MTERF4: variants seen among roughly 807,000 people sequenced by gnomAD.
MTERF4 encodes the protein transcription termination factor 4, mitochondrial.
Under a neutral mutation model 22.5 loss-of-function variants are expected in MTERF4, and 17 were observed. That is an observed-to-expected ratio of 0.75 (90% confidence interval 0.52 to 1.13). MTERF4 has a LOEUF of 1.13. Ranked by LOEUF, MTERF4 falls within the 50% of genes most tolerant of loss-of-function variation. MTERF4 has a pLI of 0.00. For missense variants in MTERF4, 420 were observed against 466.8 expected (o/e 0.90, Z 0.92); for synonymous variants, 165 against 175.3 (o/e 0.94, Z 0.47).
chr2:241,079,991 C>A (rs1267994031), intron 4 of MTERF4, among the ~76,000 whole-genome samples: 1 of 152,050 alleles, frequency 6.6e-6, no homozygotes, highest in Non-Finnish European at 1.5e-5. Flanking sequence ...AGTTAAAAAT[C>A]TTGTTTGTTT....
At chr2:241,068,804 T>G, downstream of MTERF4, 1 of 727,854 alleles carries the variant, frequency 1.4e-6, no homozygotes, top group East Asian at 2.8e-5. This position sits in a 1 kb window ranked among gnomAD's most constrained non-coding sequence, Gnocchi z 5.3. Flanking sequence ...AGCAGCAGGA[T>G]GACCTCCCCG....
At chr2:241,086,844 T>C (rs78834872), downstream of MTERF4, among the ~76,000 whole-genome samples, 3,480 of 152,338 alleles carry the variant, frequency 0.023, 292 homozygotes, top group East Asian at 0.23. Context: ...GTAAGAGAGA[T>C]GGTATGAGTA....
downstream of MTERF4, chr2:241,069,026 G>A (rs764074544): frequency 6.5e-6 from 10 of 1,545,670 alleles, no homozygotes; most frequent in Admixed American, 2.0e-5. This position sits in a 1 kb window ranked among gnomAD's most constrained non-coding sequence, Gnocchi z 4.9. Flanking sequence ...GTGGACCCGT[G>A]AGTAGAGCAG....
chr2:241,097,693 A>T (rs867933728), intron 2 of MTERF4, among the ~76,000 whole-genome samples: 7 of 152,146 alleles, frequency 4.6e-5, no homozygotes, highest in Non-Finnish European at 1.0e-4. Context: ...AAAGGTGCCA[A>T]CTTTGTATTT....
chr2:241,069,252 G>A (rs572801307), downstream of MTERF4, among the ~76,000 whole-genome samples: 1 of 152,284 alleles, frequency 6.6e-6, no homozygotes, highest in South Asian at 2.1e-4. The surrounding 1 kb of genome is among the most constrained non-coding windows in gnomAD (Gnocchi z 4.9). Context: ...AAAGGCTCCT[G>A]GTAGCTCCTC....
At chr2:241,070,344 G>C, downstream of MTERF4, 1 of 900,198 alleles carries the variant, frequency 1.1e-6, no homozygotes. Flanking sequence ...GGAGGAGTCT[G>C]TGTATGAAAG....
At chr2:241,094,245 C>T (rs1375661820), downstream of MTERF4, 1 of 464,344 alleles carries the variant, frequency 2.2e-6, no homozygotes, top group Non-Finnish European at 4.5e-6. This position sits in a 1 kb window ranked among gnomAD's most constrained non-coding sequence, Gnocchi z 4.3. Flanking sequence ...GAGAACCCAA[C>T]AGGCAAGGGC....
At chr2:241,062,812 A>T in the MTERF4 span, 1 of 1,611,186 alleles carries the variant, frequency 6.2e-7, no homozygotes, top group Non-Finnish European at 8.5e-7. Context: ...TGCCGGTCTC[A>T]GCCGTGCCTG....
At chr2:241,045,755 T>C in the MTERF4 span, among the ~76,000 whole-genome samples, 2 of 151,350 alleles carry the variant, frequency 1.3e-5, no homozygotes, top group African/African-American at 4.9e-5. Flanking sequence ...AGCAAAGTGT[T>C]CTTAGATAAG....
chr2:241,077,413 T>C (rs2063081736), intron 4 of MTERF4, among the ~76,000 whole-genome samples: 3 of 152,130 alleles, frequency 2.0e-5, no homozygotes, highest in Non-Finnish European at 4.4e-5. Context: ...AAAATCTATA[T>C]ATAAACTACT....
intron 4 of MTERF4, among the ~76,000 whole-genome samples, chr2:241,080,833 G>A (rs530518543): frequency 5.6e-4 from 86 of 152,354 alleles, no homozygotes; most frequent in South Asian, 1.4e-3. Context: ...GAGCCTTCAC[G>A]CTGCCGTGCC....
At position 241,096,958 on chromosome 2, in the gene MTERF4, T is replaced by C. The variant is rs746224867; in HGVS notation, c.705+285A>G. ...ATAGGACTGGATCATTCATTATTAA[T>C]GGCAGAAAAGTTGAAGAATAGGTTT... On this transcript the variant is annotated intron_variant, in intron 3 of 3. Transcript: ENST00000391980. The surrounding 1 kb of genome is among the most constrained non-coding windows in gnomAD (Gnocchi z 5.1). 16 of 585,638 alleles carry C rather than the reference T, an allele frequency of 2.7e-5. No individual in the cohort carries two copies. The highest frequency in any genetic ancestry group is 1.1e-4 in the African/African-American group (6 of 53,430). The allele number at this position is 585,638 out of a possible 1,614,324, so 36.3% of individuals were successfully genotyped here. A position where few individuals can be genotyped will look rare whatever the true frequency, so the allele number is the denominator to read the frequency against.
downstream of MTERF4, chr2:241,069,868 C>A: frequency 6.3e-7 from 1 of 1,579,982 alleles, no homozygotes; most frequent in Non-Finnish European, 8.6e-7. The surrounding 1 kb of genome is among the most constrained non-coding windows in gnomAD (Gnocchi z 4.9). Context: ...GTGTTCTTGC[C>A]AGAAGACCCT....
downstream of MTERF4, chr2:241,089,417 A>C (rs1211201405): frequency 1.9e-6 from 3 of 1,550,040 alleles, no homozygotes; most frequent in Admixed American, 5.9e-5. Context: ...AACAAACAGA[A>C]GCAAAACAGC....
chr2:241,069,062 G>T (rs768173462), downstream of MTERF4: 3 of 1,393,154 alleles, frequency 2.2e-6, no homozygotes, highest in South Asian at 3.8e-5. The surrounding 1 kb of genome is among the most constrained non-coding windows in gnomAD (Gnocchi z 4.9). Flanking sequence ...ACGAAAGGCC[G>T]TCTTCTAGAA....
the MTERF4 span, chr2:241,064,844 T>C: frequency 5.1e-6 from 8 of 1,583,492 alleles, no homozygotes; most frequent in Non-Finnish European, 6.8e-6. This position sits in a 1 kb window ranked among gnomAD's most constrained non-coding sequence, Gnocchi z 7.0. Context: ...CTCCCCTCAG[T>C]GAGTGACCCC....
At chr2:241,071,482 G>A (rs376716464), downstream of MTERF4, 41 of 1,429,420 alleles carry the variant, frequency 2.9e-5, no homozygotes, top group Non-Finnish European at 3.3e-5. Flanking sequence ...CTCCAAGCAC[G>A]GCTGAGTGTG....
At chr2:241,081,968 A>C (rs918911492) in intron 4 of MTERF4, among the ~76,000 whole-genome samples, 1 of 152,214 alleles carries the variant, frequency 6.6e-6, no homozygotes, top group South Asian at 2.1e-4. Flanking sequence ...TGCTGCCCCA[A>C]GCACCAGGAT....
chr2:241,087,529 T>C (rs956459977), downstream of MTERF4: 2 of 1,552,700 alleles, frequency 1.3e-6, no homozygotes, highest in Non-Finnish European at 1.7e-6. Flanking sequence ...CACAGGGTGA[T>C]GGGGCAAGGG....
Sources: allele counts gnomAD v4.1 joint callset (sites outside exome capture counted in the v4.1 genomes callset), GRCh38; gene constraint gnomAD v4.1.1; non-coding constraint Gnocchi (gnomAD v3.1); transcripts MANE v1.5; gene names NCBI Gene and HGNC (gene_info 2026-07-23, HGNC 2026-07-21).